NOTCH3: variants seen among roughly 807,000 people sequenced by gnomAD.
NOTCH3 encodes the protein notch receptor 3, also known as neurogenic locus notch homolog protein 3.
NOTCH3 carries 86 observed loss-of-function variants against 213.3 expected under a neutral mutation model. The ratio of observed to expected loss-of-function variants is 0.40; its 90% confidence interval spans 0.34 to 0.48. The LOEUF (loss-of-function observed/expected upper bound fraction) is 0.48, where lower values mean the gene tolerates loss of function less well. Among genes scored for constraint, NOTCH3 ranks in the 20% least tolerant of loss-of-function variants. The pLI, the probability that NOTCH3 is intolerant of heterozygous loss-of-function variation, is 0.57. For synonymous variants in NOTCH3, 1,354 were observed against 1,355.9 expected (o/e 1.00, Z 0.03); for missense variants, 2,783 against 3,272.6 (o/e 0.85, Z 3.65).
At position 15,167,408 on chromosome 19, in the gene NOTCH3, C is replaced by T. The variant is rs959827952; in HGVS notation, c.5203G>A (p.Glu1735Lys). 21 of 1,604,794 alleles carry T rather than the reference C, an allele frequency of 1.3e-5. No homozygotes were observed. The highest frequency in any genetic ancestry group is 4.1e-4 in the Middle Eastern group (2 of 4,912). ...TCCTCAGCCCCCATGCCTGGCTCCT[C>T]TACCTGGAGGGGCAGGCACCCTGGA... is the stretch of plus-strand genomic sequence containing the variant. ...ECPEAKRLKV[E>K]EPGMGAEEAV... Residue 1735 changes from glutamate to lysine, a missense_variant, in exon 29 of 33, where the codon GAG becomes AAG. Transcript: ENST00000263388.
At chr19:15,162,351 T>G in intron 32 of NOTCH3, 114 bp downstream of exon 32, 2 of 822,080 alleles carry the variant, frequency 2.4e-6, no homozygotes, top group Non-Finnish European at 2.0e-6. Flanking sequence ...TAATCCAATG[T>G]TTGGGGTTTT....
chr19:15,179,214 G>C lies in NOTCH3; in HGVS notation c.3529C>G (p.Leu1177Val), dbSNP rs2145418245. ...GPPLDSGPRC[L>V]HNGTCVDLVG... ...AGGTCCACGCAGGTGCCATTGTGTA[G>C]GCACCGGGGCCCTGAGTCCAGCGGT... The change falls in exon 22 of 33, where the codon CTA (leucine) becomes GTA (valine). Residue 1177 changes from leucine (L) to valine (V), a missense_variant. Physicochemically the swap from Leu to Val is conservative, Grantham distance 32. This residue lies in a region of NOTCH3 where 861 missense variants were observed against 909.1 expected (regional missense o/e 0.95). Transcript: ENST00000263388. 6.2e-7 allele frequency: 1 copy of C among 1,614,064 alleles called. No individual in the cohort carries two copies. The highest frequency in any genetic ancestry group is 8.5e-7 in the Non-Finnish European group (1 of 1,180,020).
chr19:15,174,277 G>T lies in NOTCH3; in HGVS notation c.4527C>A (p.Ala1509=). 1 of 1,564,132 alleles carries T rather than the reference G, an allele frequency of 6.4e-7. No homozygotes were observed. Among genetic ancestry groups the T allele is most frequent in the Non-Finnish European group, 8.6e-7 (1 of 1,157,030 alleles). The change falls in exon 25 of 33, where the codon GCC becomes GCA. Residue 1509 remains alanine, a synonymous_variant. Coordinates refer to ENST00000263388, the MANE Select transcript of NOTCH3 (RefSeq NM_000435.3). ...DCASEVPALL[A]RGVLVLTVLL... Reference sequence around the variant, plus strand: ...GCACTGTGAGCACCAGCACGCCGCGGGCCAGCAGGGCCGGCACCTCGCTGG... The same window carrying T: ...GCACTGTGAGCACCAGCACGCCGCGTGCCAGCAGGGCCGGCACCTCGCTGG...
Position 15,187,999 on chromosome 19 carries a change from G to A in NOTCH3, c.1493-5C>T. 1.3e-6 allele frequency: 2 copies of A among 1,549,594 alleles called. No individual in the cohort carries two copies. Among genetic ancestry groups the A allele is most frequent in the Non-Finnish European group, 1.7e-6 (2 of 1,145,430 alleles). On this transcript the variant is annotated splice_polypyrimidine_tract_variant and splice_region_variant and intron_variant, in intron 9 of 32. Transcript: ENST00000263388. ...GACACGTGGAGCCGCTGAAGCCTGG[G>A]GTGGGGAGTGGGATGAGCAGAGGCC...
chr19:15,181,783 C>A lies in NOTCH3; in HGVS notation c.2585G>T (p.Gly862Val), dbSNP rs1293068218. The change falls in exon 17 of 33, where the codon GGC becomes GTC. Residue 862 changes from glycine (G) to valine (V), a missense_variant. Around this residue, in one of 6 missense-constraint regions of NOTCH3, gnomAD observed 861 missense variants for 909.1 expected, o/e 0.95. Coordinates refer to ENST00000263388, the MANE Select transcript of NOTCH3 (RefSeq NM_000435.3). Reference sequence around the variant, plus strand: ...GGAGCCCACGCCGTCTTGGCACGAGCCACCGTTCAGGCATGGGTCTGCGGA... The same window carrying A: ...GGAGCCCACGCCGTCTTGGCACGAGACACCGTTCAGGCATGGGTCTGCGGA... ...DCDPNPCLNG[G>V]SCQDGVGSFS... is the part of the protein sequence containing the mutation. 6.4e-7 allele frequency: 1 copy of A among 1,561,364 alleles called. No homozygotes were observed. The highest frequency in any genetic ancestry group is 8.7e-7 in the Non-Finnish European group (1 of 1,152,516).
At position 15,174,363 on chromosome 19, in the gene NOTCH3, C is replaced by T. The variant is rs1415544497; in HGVS notation, c.4441G>A (p.Asp1481Asn). 10 of 1,545,168 alleles carry T rather than the reference C, an allele frequency of 6.5e-6. No individual in the cohort carries two copies. The highest frequency in any genetic ancestry group is 1.7e-4 in the Middle Eastern group (1 of 5,988). Reference sequence around the variant, plus strand: ...TTGCAGCCCTGGTCGCAGCGGCCGTCGGCAAAGTGGTCGGCGCAGTACTTC... The same window carrying T: ...TTGCAGCCCTGGTCGCAGCGGCCGTTGGCAAAGTGGTCGGCGCAGTACTTC... ...YEKYCADHFADGRCDQGCNTE... is the reference protein window; with the variant it reads ...YEKYCADHFANGRCDQGCNTE... Residue 1481 changes from aspartate to asparagine, a missense_variant, in exon 25 of 33, where the codon GAC (aspartate) becomes AAC (asparagine). Asp to Asn is a conservative substitution (Grantham distance 23, BLOSUM62 1). This residue lies in a region of NOTCH3 where 636 missense variants were observed against 801.8 expected (regional missense o/e 0.79). Coordinates refer to ENST00000263388, the MANE Select transcript of NOTCH3 (RefSeq NM_000435.3).
rs199899229 is a variant in NOTCH3, at chr19:15,170,869, C to A, written c.4737-44G>T. 2.1e-4 allele frequency: 331 copies of A among 1,603,306 alleles called. No homozygotes were observed. In the African/African-American group the frequency reaches 4.0e-3, roughly 19 times the overall value. ...GGGACCAGAGGGCTCAAAAATTGCC[C>A]GATGCACCCCCTGGTACCAAGCCCC... On this transcript the variant is annotated intron_variant, in intron 25 of 32. Coordinates refer to ENST00000263388, the MANE Select transcript of NOTCH3 (RefSeq NM_000435.3).
At position 15,191,406 on chromosome 19, in the gene NOTCH3, G is replaced by T. The variant is rs1158100022; in HGVS notation, c.1036+18C>A. The T allele has an allele frequency of 6.2e-7, 1 of 1,606,172 alleles. No homozygotes were observed. The highest frequency in any genetic ancestry group is 8.5e-7 in the Non-Finnish European group (1 of 1,173,810). ...TAAAAACCATCCATGGCTCCCTGCA[G>T]AGAAAACGGCCACTCACCAGTCTTG... On this transcript the variant is annotated intron_variant, in intron 6 of 32. Transcript: ENST00000263388.
intron 3 of NOTCH3, 29 bp downstream of exon 3, chr19:15,192,348 A>G: frequency 6.2e-7 from 1 of 1,612,392 alleles, no homozygotes; most frequent in Non-Finnish European, 8.5e-7. Context: ...ACCCCCGACT[A>G]CCTCCCCTCC....
At chr19:15,195,239 G>T (rs541477596) in intron 2 of NOTCH3, among the ~76,000 whole-genome samples, 81 of 152,250 alleles carry the variant, frequency 5.3e-4, no homozygotes, top group African/African-American at 1.9e-3. Flanking sequence ...GAGGGTGGAG[G>T]GTTGGGGTAC....
In NOTCH3 at chr19:15,186,994, G is replaced by T. The variant is rs949408942; in HGVS notation, c.1841-6C>A. 3.7e-6 allele frequency: 6 copies of T among 1,613,634 alleles called. No individual in the cohort carries two copies. Among genetic ancestry groups the T allele is most frequent in the Middle Eastern group, 3.3e-4 (2 of 6,080 alleles). On this transcript the variant is annotated splice_region_variant and splice_polypyrimidine_tract_variant and intron_variant, in intron 11 of 32. Coordinates refer to ENST00000263388, the MANE Select transcript of NOTCH3 (RefSeq NM_000435.3). ...GTTCACTTCGCAGTTCACACCTAGG[G>T]GCCAGGAACATGGCATGGAGTGGCC... is the stretch of plus-strand genomic sequence containing the variant.
Position 15,161,018 on chromosome 19 carries a change from G to A in NOTCH3, c.6610C>T (p.Pro2204Ser). 6.5e-7 allele frequency: 1 copy of A among 1,538,180 alleles called. No individual in the cohort carries two copies. The highest frequency in any genetic ancestry group is 1.2e-5 in the South Asian group (1 of 83,308). Residue 2204 changes from proline to serine, a missense_variant, in exon 33 of 33, where the codon CCG becomes TCG. This residue lies in a region of NOTCH3 where 441 missense variants were observed against 432.1 expected (regional missense o/e 1.02). Coordinates refer to ENST00000263388, the MANE Select transcript of NOTCH3 (RefSeq NM_000435.3). ...QLLNPGTPVS[P>S]QERPPPYLAV... ...AGGTAAGGCGGGGGCCGCTCCTGCGGGGAGACGGGGGTCCCTGGGTTGAGC... is the reference window on the plus strand; with the variant it reads ...AGGTAAGGCGGGGGCCGCTCCTGCGAGGAGACGGGGGTCCCTGGGTTGAGC...
chr19:15,185,674 G>A lies in NOTCH3; in HGVS notation c.1957C>T (p.Leu653Phe), dbSNP rs1336688514. The A allele has an allele frequency of 1.2e-6, 2 of 1,613,140 alleles. No individual in the cohort carries two copies. Among genetic ancestry groups the A allele is most frequent in the Non-Finnish European group, 1.7e-6 (2 of 1,180,002 alleles). Reference protein sequence around the residue: ...CVCQPGFTGPLCNVEINECAS... With the variant: ...CVCQPGFTGPFCNVEINECAS... Reference sequence around the variant, plus strand: ...CACTCATTGATCTCCACGTTACAAAGGGGCCCTGGGGAGTACACAAGCAAT... The same window carrying A: ...CACTCATTGATCTCCACGTTACAAAAGGGCCCTGGGGAGTACACAAGCAAT... Residue 653 changes from leucine (L) to phenylalanine (F), a missense_variant, in exon 13 of 33, where the codon CTT (leucine) becomes TTT (phenylalanine). Coordinates refer to ENST00000263388, the MANE Select transcript of NOTCH3 (RefSeq NM_000435.3). The surrounding 1 kb of genome is among the most constrained non-coding windows in gnomAD (Gnocchi z 4.2).
At position 15,191,827 on chromosome 19, in the gene NOTCH3, A is replaced by T; in HGVS notation, c.720T>A (p.Cys240Ter). ...CCCCATTGAGACATCGGTGTCCTGG[A>T]CAGTCGTCCACGTTCACTTCACAAT... ...GQNCEVNVDD[C>*]PGHRCLNGGT... is the part of the protein sequence containing the mutation. Residue 240 changes from cysteine (C) to a stop codon, truncating the protein, a stop_gained, in exon 5 of 33, where the codon TGT becomes TGA. Transcript: ENST00000263388. LOFTEE classifies it high-confidence loss of function. 6.2e-7 allele frequency: 1 copy of T among 1,613,948 alleles called. No individual in the cohort carries two copies. The highest frequency in any genetic ancestry group is 8.5e-7 in the Non-Finnish European group (1 of 1,180,032).
At chr19:15,182,627 T>G (rs2046849985) in intron 16 of NOTCH3, among the ~76,000 whole-genome samples, 1 of 151,832 alleles carries the variant, frequency 6.6e-6, no homozygotes, top group South Asian at 2.1e-4. Flanking sequence ...ATTTATTTAT[T>G]TATTTACTTT....
intron 32 of NOTCH3, chr19:15,162,254 T>G: frequency 3.5e-6 from 2 of 572,058 alleles, no homozygotes; most frequent in Non-Finnish European, 6.3e-6. Flanking sequence ...AGTGCTGGGA[T>G]TATAGGCATG....
At position 15,173,113 on chromosome 19, in the gene NOTCH3, T is replaced by C. The variant is rs867892084; in HGVS notation, c.4736+955A>G. ...TCTTCTTCTTCTTCTTCTTTTTTTTTTTTTTTTTTTTTTTTAAGAGATCGG... is the reference window on the plus strand; with the variant it reads ...TCTTCTTCTTCTTCTTCTTTTTTTTCTTTTTTTTTTTTTTTAAGAGATCGG... On this transcript the variant is annotated intron_variant, in intron 25 of 32. Transcript: ENST00000263388. 4.7e-3 allele frequency among the ~76,000 whole-genome samples: 411 copies of C among 87,364 alleles called. 37 individuals are homozygous for C. Among genetic ancestry groups the C allele is most frequent in the African/African-American group, 0.014 (140 of 10,212 alleles). The allele number at this position is 87,364 out of a possible 152,430, so 57.3% of individuals were successfully genotyped here.
At chr19:15,195,835 C>T (rs2046965652) in intron 2 of NOTCH3, among the ~76,000 whole-genome samples, 1 of 151,692 alleles carries the variant, frequency 6.6e-6, no homozygotes, top group Non-Finnish European at 1.5e-5. Context: ...CTCTGCGTCC[C>T]GCGCCCCCGC....
intron 31 of NOTCH3, among the ~76,000 whole-genome samples, chr19:15,164,248 T>C (rs549748246): frequency 2.6e-3 from 358 of 137,118 alleles, no homozygotes; most frequent in African/African-American, 9.2e-3. Flanking sequence ...TTTTTTGTTT[T>C]TAAAAAAAAG....
Sources: allele counts gnomAD v4.1 joint callset (sites outside exome capture counted in the v4.1 genomes callset), GRCh38; gene constraint gnomAD v4.1.1; regional missense constraint gnomAD v4.1.1; non-coding constraint Gnocchi (gnomAD v3.1); transcripts MANE v1.5; gene names NCBI Gene and HGNC (gene_info 2026-07-23, HGNC 2026-07-21).